MACROD2: variants seen among roughly 807,000 people sequenced by gnomAD.
MACROD2 encodes the protein ADP-ribose glycohydrolase MACROD2.
A neutral mutation model predicts 70.4 loss-of-function variants in MACROD2; 36 were observed. The ratio of observed to expected loss-of-function variants is 0.51; its 90% CI spans 0.39 to 0.68. MACROD2 has a LOEUF of 0.68. MACROD2 is among the 30% of genes least tolerant of loss of function. The probability of loss-of-function intolerance (pLI) is 0.00; values close to 1 mark genes in which losing one functional copy is unlikely to be tolerated. For missense variants in MACROD2, 496 were observed against 538.4 expected (o/e 0.92, Z 0.78); for synonymous variants, 172 against 178.8 (o/e 0.96, Z 0.30).
intron 8 of MACROD2, among the ~76,000 whole-genome samples, chr20:15,648,154 C>A (rs1480520652): frequency 1.3e-5 from 2 of 152,160 alleles, no homozygotes; most frequent in Non-Finnish European, 2.9e-5. Context: ...GAGATTGCTG[C>A]CACCAGGGAA....
At chr20:14,037,416 G>A (rs990024338) in intron 2 of MACROD2, among the ~76,000 whole-genome samples, 1 of 152,126 alleles carries the variant, frequency 6.6e-6, no homozygotes, top group African/African-American at 2.4e-5. Context: ...GAATACCAAT[G>A]TCCTATTCAG....
chr20:14,314,165 A>G (rs767802092), intron 3 of MACROD2, among the ~76,000 whole-genome samples: 11 of 152,220 alleles, frequency 7.2e-5, no homozygotes, highest in Non-Finnish European at 1.3e-4. Context: ...AAGATAACTA[A>G]TCTTTTTTAA....
intron 6 of MACROD2, among the ~76,000 whole-genome samples, chr20:15,398,043 G>A (rs2045882608): frequency 6.6e-6 from 1 of 152,082 alleles, no homozygotes; most frequent in Non-Finnish European, 1.5e-5. Flanking sequence ...TAACTGAGTG[G>A]TACTCAATTC....
rs371522214 is a variant in MACROD2, at chr20:14,771,670, C to CAT, written c.418+86724_418+86725dup. On this transcript the variant is annotated intron_variant, in intron 5 of 17. Coordinates refer to ENST00000684519, the MANE Select transcript of MACROD2 (RefSeq NM_001351661.2). ...ACACACACACACACACACACACACA[C>CAT]ATATATATATATATTTAAACATATA... 7.0e-3 allele frequency among the ~76,000 whole-genome samples: 941 copies of CAT among 133,528 alleles called. 20 individuals carry two copies. The highest frequency in any genetic ancestry group is 0.023 in the African/African-American group (880 of 37,672). The allele number at this position is 133,528 out of a possible 152,430, so 87.6% of individuals were successfully genotyped here.
At chr20:15,003,702 A>G (rs2075013477) in intron 5 of MACROD2, among the ~76,000 whole-genome samples, 1 of 152,156 alleles carries the variant, frequency 6.6e-6, no homozygotes, top group Non-Finnish European at 1.5e-5. Flanking sequence ...CCTTGCCCCC[A>G]AACTCAAACA....
intron 5 of MACROD2, among the ~76,000 whole-genome samples, chr20:15,123,048 C>CA (rs1481181847): frequency 1.3e-5 from 2 of 152,184 alleles, no homozygotes; most frequent in African/African-American, 4.8e-5. Context: ...TGTAAGTTTA[C>CA]ATTTAAATTG....
In MACROD2 at chr20:15,079,118, C is replaced by T. The variant is rs112789745; in HGVS notation, c.419-150822C>T. ...AATCATTTGCAGACTATTTTTCCTT[C>T]TCTTCTAGAAAGAAAAAAAGAATCA... On this transcript the variant is annotated intron_variant, in intron 5 of 17. Coordinates refer to ENST00000684519, the MANE Select transcript of MACROD2 (RefSeq NM_001351661.2). Among the ~76,000 whole-genome samples the T allele has an allele frequency of 1.5e-3, 223 of 152,264 alleles. 1 individual carries two copies. Among genetic ancestry groups the T allele is most frequent in the African/African-American group, 4.9e-3 (204 of 41,566 alleles).
At chr20:14,689,778 C>G (rs375428760) in intron 5 of MACROD2, among the ~76,000 whole-genome samples, 2 of 152,132 alleles carry the variant, frequency 1.3e-5, no homozygotes, top group South Asian at 2.1e-4. Flanking sequence ...ATACTGAGGG[C>G]ACTTGTCACG....
Position 14,861,615 on chromosome 20 carries a change from G to T in MACROD2, c.418+176656G>T, listed in dbSNP as rs201206835. 1.3e-4 allele frequency among the ~76,000 whole-genome samples: 19 copies of T among 151,960 alleles called. No individual in the cohort carries two copies. In the East Asian group the frequency reaches 3.5e-3, roughly 28 times the overall value. Reference sequence around the variant, plus strand: ...GTAGTCTATGTAGTGGGGAAAATGGGTGAATAACCAGCACAGAGCTCACAA... The same window carrying T: ...GTAGTCTATGTAGTGGGGAAAATGGTTGAATAACCAGCACAGAGCTCACAA... On this transcript the variant is annotated intron_variant, in intron 5 of 17. Coordinates refer to ENST00000684519, the MANE Select transcript of MACROD2 (RefSeq NM_001351661.2).
At chr20:16,008,578 C>T (rs1196225291) in intron 15 of MACROD2, among the ~76,000 whole-genome samples, 1 of 152,156 alleles carries the variant, frequency 6.6e-6, no homozygotes, top group African/African-American at 2.4e-5. Flanking sequence ...ATGAACAGGT[C>T]ATTTAACTTG....
chr20:14,987,607 T>C (rs1282419885), intron 5 of MACROD2, among the ~76,000 whole-genome samples: 1 of 152,134 alleles, frequency 6.6e-6, no homozygotes, highest in Non-Finnish European at 1.5e-5. Context: ...TATTCCAGGC[T>C]CTAAAATGAC....
intron 8 of MACROD2, among the ~76,000 whole-genome samples, chr20:15,814,694 G>C (rs2063855076): frequency 6.6e-6 from 1 of 152,262 alleles, no homozygotes; most frequent in Non-Finnish European, 1.5e-5. Flanking sequence ...AATTGTAATG[G>C]CTTCTATTAT....
intron 8 of MACROD2, among the ~76,000 whole-genome samples, chr20:15,580,455 G>A (rs1483088751): frequency 6.6e-6 from 1 of 152,148 alleles, no homozygotes; most frequent in Non-Finnish European, 1.5e-5. Flanking sequence ...AGTCCTCAGA[G>A]AATTAGCTAT....
Position 15,408,838 on chromosome 20 carries a change from A to G in MACROD2, c.541-22567A>G, listed in dbSNP as rs760996863. Among the ~76,000 whole-genome samples, 48 of 152,218 alleles carry G rather than the reference A, an allele frequency of 3.2e-4. 1 individual carries two copies. Among genetic ancestry groups the G allele is most frequent in the South Asian group, 1.9e-3 (9 of 4,828 alleles). On this transcript the variant is annotated intron_variant, in intron 6 of 17. Transcript: ENST00000684519. Reference sequence around the variant, plus strand: ...AAAGGAAATCTGGAGGGAATCTTTTAAGAGGTAAAACACGTTGATTTGTGA... The same window carrying G: ...AAAGGAAATCTGGAGGGAATCTTTTGAGAGGTAAAACACGTTGATTTGTGA...
intron 5 of MACROD2, among the ~76,000 whole-genome samples, chr20:14,977,505 A>G (rs1446152863): frequency 6.6e-6 from 1 of 150,516 alleles, no homozygotes; most frequent in African/African-American, 2.4e-5. Flanking sequence ...ACACACAATT[A>G]GGGTTTAGGG....
chr20:14,241,474 G>A (rs893140179), intron 3 of MACROD2, among the ~76,000 whole-genome samples: 2 of 152,110 alleles, frequency 1.3e-5, no homozygotes, highest in African/African-American at 4.8e-5. Flanking sequence ...GCACATAACA[G>A]ACATGGAAAC....
At chr20:14,055,747 T>A (rs987946225) in intron 2 of MACROD2, among the ~76,000 whole-genome samples, 14 of 151,256 alleles carry the variant, frequency 9.3e-5, no homozygotes, top group African/African-American at 3.4e-4. Context: ...AGTACTGTTT[T>A]TTTTTTTTTT....
intron 8 of MACROD2, among the ~76,000 whole-genome samples, chr20:15,571,428 C>CT (rs11480945): frequency 0.76 from 113,071 of 149,618 alleles, 47,516 homozygotes; most frequent in Non-Finnish European, 0.96. Context: ...CCTGTTTTTT[C>CT]TTTTTTTTTG....
chr20:15,671,079 T>G (rs1047194487), intron 8 of MACROD2, among the ~76,000 whole-genome samples: 1 of 152,222 alleles, frequency 6.6e-6, no homozygotes, highest in Non-Finnish European at 1.5e-5. Context: ...CTGCCTGGGC[T>G]CTATCATGCA....
Sources: gnomAD v4.1 joint callset for allele counts (sites outside exome capture counted in the v4.1 genomes callset) on GRCh38, gnomAD v4.1.1 for gene constraint, MANE v1.5 for transcripts, NCBI Gene and HGNC (gene_info 2026-07-23, HGNC 2026-07-21) for gene names.